LOC400499: variants seen among roughly 807,000 people sequenced by gnomAD.
At chr16:11,464,272 G>A in the LOC400499 span, among the ~76,000 whole-genome samples, 1 of 152,222 alleles carries the variant, frequency 6.6e-6, no homozygotes, top group Non-Finnish European at 1.5e-5. Context: ...TCTCCACTCT[G>A]CTCCCAGCTT....
At chr16:11,462,280 G>A in the LOC400499 span, 4 of 1,508,768 alleles carry the variant, frequency 2.7e-6, no homozygotes, top group Middle Eastern at 1.8e-4. Context: ...CGCCACCCAT[G>A]GCTGGCTGCA....
chr16:11,501,124 T>C, the LOC400499 span, among the ~76,000 whole-genome samples: 1 of 152,000 alleles, frequency 6.6e-6, no homozygotes, highest in Non-Finnish European at 1.5e-5. Flanking sequence ...GACCCCGCAG[T>C]CTGGCTGAGG....
At chr16:11,509,398 G>T in the LOC400499 span, among the ~76,000 whole-genome samples, 18 of 151,014 alleles carry the variant, frequency 1.2e-4, no homozygotes, top group Admixed American at 8.6e-4. Flanking sequence ...GATTACAGGC[G>T]TGAGCCACCA....
At chr16:11,402,621 G>A in the LOC400499 span, among the ~76,000 whole-genome samples, 1 of 152,178 alleles carries the variant, frequency 6.6e-6, no homozygotes, top group Non-Finnish European at 1.5e-5. Flanking sequence ...CCTGCTTTCA[G>A]CTCAGGATGT....
the LOC400499 span, among the ~76,000 whole-genome samples, chr16:11,461,947 T>C: frequency 6.6e-6 from 1 of 152,228 alleles, no homozygotes; most frequent in Admixed American, 6.5e-5. Flanking sequence ...GTGGGTGCAG[T>C]TGGAGGTTGG....
At chr16:11,437,225 T>C in the LOC400499 span, among the ~76,000 whole-genome samples, 2 of 152,182 alleles carry the variant, frequency 1.3e-5, no homozygotes, top group African/African-American at 4.8e-5. Context: ...TTATGAATGA[T>C]GCCGTAATGG....
chr16:11,480,138 G>A, the LOC400499 span, among the ~76,000 whole-genome samples: 2 of 152,116 alleles, frequency 1.3e-5, no homozygotes, highest in Non-Finnish European at 2.9e-5. Context: ...ACTCCCTATT[G>A]TCTCTCCAAC....
At chr16:11,387,228 C>A in the LOC400499 span, 1 of 1,232,358 alleles carries the variant, frequency 8.1e-7, no homozygotes, top group Non-Finnish European at 1.0e-6. Context: ...TAGCTGGTCA[C>A]CCGGGCCACG....
the LOC400499 span, among the ~76,000 whole-genome samples, chr16:11,526,857 G>A: frequency 4.4e-4 from 67 of 152,170 alleles, no homozygotes; most frequent in Non-Finnish European, 1.8e-4. Context: ...CAGGGCTTCA[G>A]ATCTGGTCTC....
chr16:11,424,683 T>C, the LOC400499 span, among the ~76,000 whole-genome samples: 1 of 152,072 alleles, frequency 6.6e-6, no homozygotes, highest in Non-Finnish European at 1.5e-5. Context: ...GGTCTGATTG[T>C]GTGTCCTCCC....
chr16:11,457,000 C>A, the LOC400499 span: 2 of 1,534,962 alleles, frequency 1.3e-6, no homozygotes, highest in Non-Finnish European at 8.7e-7. Context: ...TAAAGCTGCA[C>A]GCGGCAATCC....
At chr16:11,421,487 C>T in the LOC400499 span, among the ~76,000 whole-genome samples, 703 of 152,118 alleles carry the variant, frequency 4.6e-3, 6 homozygotes, top group African/African-American at 0.016. Flanking sequence ...CTGCAACCTC[C>T]GCCTCCTGGG....
chr16:11,514,508 T>C, the LOC400499 span: 1 of 399,792 alleles, frequency 2.5e-6, no homozygotes. Flanking sequence ...CCGGAAGCTC[T>C]GGACGCAGGT....
the LOC400499 span, chr16:11,460,116 C>T: frequency 7.9e-7 from 1 of 1,273,094 alleles, no homozygotes; most frequent in Non-Finnish European, 1.0e-6. Flanking sequence ...CCCTGGGCCT[C>T]CTCATAGCCA....
At chr16:11,459,439 G>A in the LOC400499 span, among the ~76,000 whole-genome samples, 4 of 151,948 alleles carry the variant, frequency 2.6e-5, no homozygotes, top group Admixed American at 6.5e-5. Flanking sequence ...CTCGTGATCC[G>A]CCCGCCTCGG....
At chr16:11,378,168 C>G in the LOC400499 span, among the ~76,000 whole-genome samples, 2 of 151,620 alleles carry the variant, frequency 1.3e-5, no homozygotes, top group Non-Finnish European at 2.9e-5. Context: ...AACTCCTGGG[C>G]TCAAGCAGTC....
At chr16:11,519,470 C>T in the LOC400499 span, among the ~76,000 whole-genome samples, 4 of 152,178 alleles carry the variant, frequency 2.6e-5, no homozygotes, top group South Asian at 6.2e-4. Flanking sequence ...GTCACAGTGG[C>T]TCACACCTGT....
At chr16:11,452,721 G>C in the LOC400499 span, among the ~76,000 whole-genome samples, 3 of 152,240 alleles carry the variant, frequency 2.0e-5, no homozygotes, top group Admixed American at 2.0e-4. Flanking sequence ...TGGCCTCATG[G>C]GTCATTCAGT....
chr16:11,462,336 G>A, the LOC400499 span: 1 of 1,439,262 alleles, frequency 6.9e-7, no homozygotes, highest in Non-Finnish European at 9.1e-7. Flanking sequence ...TGGGAGGACA[G>A]GCTTGGCCAG....
Sources: gnomAD v4.1 joint callset for allele counts (sites outside exome capture counted in the v4.1 genomes callset) on GRCh38, gnomAD v4.1.1 for gene constraint, MANE v1.5 for transcripts.